Variants in TNRC6A observed in about 807,000 individuals in gnomAD.
The protein encoded by TNRC6A is trinucleotide repeat-containing gene 6A protein.
In TNRC6A, 44 loss-of-function variants were observed where a neutral mutation model predicts 221.2. The ratio of observed to expected loss-of-function variants is 0.20; its 90% CI spans 0.16 to 0.26. The LOEUF (loss-of-function observed/expected upper bound fraction) is 0.26. Ranked by LOEUF, TNRC6A falls within the 10% of genes least tolerant of loss-of-function variation. TNRC6A has a pLI of 1.00. For missense variants in TNRC6A, 2,199 were observed against 2,404.4 expected, an observed-to-expected ratio of 0.91 and a Z score of 1.79; for synonymous variants, 847 against 838.5, an observed-to-expected ratio of 1.01 and a Z score of -0.18.
Position 24,790,872 on chromosome 16 carries a change from C to G in TNRC6A, c.2230C>G (p.Arg744Gly), listed in dbSNP as rs778164254. Reference sequence around the variant, plus strand: ...TACAGAAACATCACCTAGAGGGGAACGAAAGACTGACAATGGGACAGAGGC... The same window carrying G: ...TACAGAAACATCACCTAGAGGGGAAGGAAAGACTGACAATGGGACAGAGGC... Reference protein sequence around the residue: ...WDTETSPRGERKTDNGTEAWG... With the variant: ...WDTETSPRGEGKTDNGTEAWG... The change falls in exon 6 of 25, where the codon CGA becomes GGA. Residue 744 changes from arginine to glycine, a missense_variant. Around this residue, in one of 8 missense-constraint regions of TNRC6A, gnomAD observed 1,405 missense variants for 1,400.2 expected, o/e 1.00. Transcript: ENST00000395799. The G allele has an allele frequency of 3.1e-6, 5 of 1,614,070 alleles. No individual in the cohort carries two copies. In the South Asian group the frequency reaches 5.5e-5, roughly 18 times the overall value.
Position 24,729,668 on chromosome 16 carries a change from TGCGGCGGCGGCGGTGTCG to T in TNRC6A, c.-160_-143del, listed in dbSNP as rs1322509822. 1.6e-3 allele frequency: 1,009 copies of T among 649,454 alleles called. 35 individuals are homozygous for T. The highest frequency in any genetic ancestry group is 5.4e-4 in the Non-Finnish European group (249 of 458,738). 40.2% of individuals were successfully genotyped at this position (649,454 alleles called of 1,614,324 possible). A position where few individuals can be genotyped will look rare whatever the true frequency, so the allele number is the denominator to read the frequency against. ...GGGCATTCACTTCCGGTCTGGGGCC[TGCGGCGGCGGCGGTGTCG>T]GCGGCGGCGGCGGCGGCGGCGGCGG... On this transcript the variant is annotated 5_prime_UTR_variant, in exon 1 of 25. Transcript: ENST00000395799.
intron 2 of TNRC6A, among the ~76,000 whole-genome samples, chr16:24,693,496 G>A (rs760134661): frequency 1.3e-5 from 2 of 152,114 alleles, no homozygotes; most frequent in Non-Finnish European, 2.9e-5. Context: ...GCTGAGGCAG[G>A]AGAATCGCTT....
rs148655517 is a variant in TNRC6A at position 24,716,187 on chromosome 16, T to C, written n.403-34539T>C. 7.2e-5 allele frequency among the ~76,000 whole-genome samples: 11 copies of C among 152,240 alleles called. No individual in the cohort carries two copies. The East Asian group carries it at 2.1e-3, about 29-fold the overall frequency. ...CTCAAGCAGTAATCTAGGGCAACCATTAGGTCCACCTCATTTCTTTCCCAT... is the reference window on the plus strand; with the variant it reads ...CTCAAGCAGTAATCTAGGGCAACCACTAGGTCCACCTCATTTCTTTCCCAT... On this transcript the variant is annotated intron_variant and non_coding_transcript_variant, in intron 2 of 2. Transcript: ENST00000566108.
At position 24,789,509 on chromosome 16, in the gene TNRC6A, T is replaced by G; in HGVS notation, c.867T>G (p.Leu289=). The G allele has an allele frequency of 6.2e-7, 1 of 1,614,172 alleles. No individual in the cohort carries two copies. Among genetic ancestry groups the G allele is most frequent in the Non-Finnish European group, 8.5e-7 (1 of 1,180,028 alleles). ...ATGGCCTTCGGAATAGCACTGGACT[T>G]GGTTCCCAAAACAAGTTTGTAGTTG... ...EKDGLRNSTG[L]GSQNKFVVGS... is the part of the protein sequence containing the mutation. The change falls in exon 6 of 25, where the codon CTT becomes CTG. Residue 289 remains leucine (L), a synonymous_variant. Transcript: ENST00000395799.
Position 24,791,729 on chromosome 16 carries a change from C to T in TNRC6A, c.3087C>T (p.Gly1029=), listed in dbSNP as rs1019264462. Residue 1029 remains glycine, a synonymous_variant, in exon 6 of 25, where the codon GGC becomes GGT. Transcript: ENST00000395799. ...TGTGGAACAAAAACGTCCCAAATGG[C>T]AACAGCCGTTCAGACCAGCAAGCAC... ...VNMWNKNVPN[G]NSRSDQQAQV... 1.2e-6 allele frequency: 2 copies of T among 1,613,408 alleles called. No homozygotes were observed. The highest frequency in any genetic ancestry group is 1.7e-6 in the Non-Finnish European group (2 of 1,179,710).
chr16:24,612,322 A>C (rs1900092152), intron 1 of TNRC6A, among the ~76,000 whole-genome samples: 2 of 152,116 alleles, frequency 1.3e-5, no homozygotes. Context: ...CAAGATGGAG[A>C]AACTGAGGCA....
chr16:24,712,772 G>A (rs544588474), intron 2 of TNRC6A, among the ~76,000 whole-genome samples: 11 of 151,902 alleles, frequency 7.2e-5, no homozygotes, highest in Admixed American at 2.0e-4. Flanking sequence ...ATTTTGTTTC[G>A]AGACAGGGTC....
chr16:24,765,096 G>C (rs948132911), intron 4 of TNRC6A, among the ~76,000 whole-genome samples: 2 of 152,180 alleles, frequency 1.3e-5, no homozygotes, highest in African/African-American at 2.4e-5. Context: ...TGTATACCTA[G>C]AAGAGGAATT....
At chr16:24,758,268 T>C (rs2057292537) in intron 3 of TNRC6A, 71 bp from the exon 4 acceptor site, 8 of 1,472,288 alleles carry the variant, frequency 5.4e-6, no homozygotes, top group Middle Eastern at 3.6e-4. Context: ...TATATGAACA[T>C]TTTATCATAA....
intron 1 of TNRC6A, among the ~76,000 whole-genome samples, chr16:24,624,531 T>A (rs543090042): frequency 3.3e-5 from 5 of 152,320 alleles, no homozygotes; most frequent in African/African-American, 1.2e-4. Context: ...CAGGCTGGAA[T>A]GCACTGGTGC....
At chr16:24,806,104 A>G (rs1319172417) in intron 15 of TNRC6A, 102 bp from the exon 16 acceptor site, 3 of 1,281,624 alleles carry the variant, frequency 2.3e-6, no homozygotes, top group Admixed American at 2.0e-5. Flanking sequence ...GGCATTGGCT[A>G]GATCACGTCG....
At chr16:24,682,561 G>A (rs181629521) in intron 2 of TNRC6A, among the ~76,000 whole-genome samples, 10 of 152,154 alleles carry the variant, frequency 6.6e-5, no homozygotes, top group African/African-American at 2.4e-4. Flanking sequence ...TCTACAAACG[G>A]AGGGCAGAAA....
At position 24,789,620 on chromosome 16, in the gene TNRC6A, C is replaced by G. The variant is rs755132687; in HGVS notation, c.978C>G (p.Val326=). The G allele has an allele frequency of 1.2e-6, 2 of 1,614,082 alleles. No homozygotes were observed. The highest frequency in any genetic ancestry group is 1.3e-5 in the African/African-American group (1 of 75,040). Residue 326 remains valine, a synonymous_variant, in exon 6 of 25, where the codon GTC becomes GTG. Coordinates refer to ENST00000395799, the MANE Select transcript of TNRC6A (RefSeq NM_014494.4). ...GAGCCATAATAAGCACATGTCAGGT[C>G]TCTGTGGATGCTCCTGAAAGCAAAT... ...SHGAIISTCQ[V]SVDAPESKSE... is the part of the protein sequence containing the mutation.
intron 2 of TNRC6A, among the ~76,000 whole-genome samples, chr16:24,731,122 T>A (rs1285986199): frequency 6.6e-6 from 1 of 152,162 alleles, no homozygotes; most frequent in Non-Finnish European, 1.5e-5. Flanking sequence ...CCTTTCTTAT[T>A]CCCCTTTTTC....
intron 2 of TNRC6A, among the ~76,000 whole-genome samples, chr16:24,702,876 A>G (rs1205478597): frequency 2.1e-5 from 3 of 139,614 alleles, no homozygotes; most frequent in Non-Finnish European, 5.0e-5. Flanking sequence ...CCTACTAAAA[A>G]TACAAAAAAT....
At chr16:24,745,158 T>C (rs1170043025) in intron 2 of TNRC6A, among the ~76,000 whole-genome samples, 3 of 152,224 alleles carry the variant, frequency 2.0e-5, no homozygotes, top group African/African-American at 7.2e-5. Flanking sequence ...CTTTAAAAAA[T>C]ATGCAAAACT....
intron 2 of TNRC6A, among the ~76,000 whole-genome samples, chr16:24,713,911 G>A (rs887765636): frequency 2.6e-5 from 4 of 152,210 alleles, no homozygotes; most frequent in African/African-American, 7.2e-5. Flanking sequence ...CTCCCAAAGT[G>A]CTGGGATTAC....
At chr16:24,636,372 A>AT (rs34517197) in intron 1 of TNRC6A, among the ~76,000 whole-genome samples, 4,851 of 140,290 alleles carry the variant, frequency 0.035, 85 homozygotes, top group South Asian at 0.069. Flanking sequence ...GGACTTTGTG[A>AT]TTTTTTTTTT....
At chr16:24,751,999 G>A (rs184853608) in intron 3 of TNRC6A, among the ~76,000 whole-genome samples, 1 of 152,242 alleles carries the variant, frequency 6.6e-6, no homozygotes, top group East Asian at 1.9e-4. Context: ...TTTTGCTTGG[G>A]GGAAAGGGAG....
Sources: allele counts gnomAD v4.1 joint callset (sites outside exome capture counted in the v4.1 genomes callset), GRCh38; gene constraint gnomAD v4.1.1; regional missense constraint gnomAD v4.1.1; transcripts MANE v1.5; gene names NCBI Gene and HGNC (gene_info 2026-07-23, HGNC 2026-07-21).